Variants in DTD1 observed in about 807,000 individuals in gnomAD.
DTD1 encodes D-aminoacyl-tRNA deacylase 1, also known as D-tyrosyl-tRNA deacylase 1 homolog.
In DTD1, 13 loss-of-function variants were observed where a neutral mutation model predicts 25.6. The observed-to-expected ratio is 0.51, with a 90% CI of 0.33 to 0.81. The LOEUF is 0.81. Ranked by LOEUF, DTD1 falls within the 30% of genes least tolerant of loss-of-function variation. The probability of loss-of-function intolerance (pLI) is 0.02; values close to 1 mark genes in which losing one functional copy is unlikely to be tolerated. For missense variants in DTD1, 193 were observed against 266.4 expected, an observed-to-expected ratio of 0.72 and a Z score of 1.92; for synonymous variants, 110 against 103.6, an observed-to-expected ratio of 1.06 and a Z score of -0.37.
chr20:18,736,081 T>C (rs2061254029), intron 4 of DTD1, among the ~76,000 whole-genome samples: 1 of 152,154 alleles, frequency 6.6e-6, no homozygotes, highest in Admixed American at 6.5e-5. Flanking sequence ...CTTTCAGGGA[T>C]TTCCGGGCAC....
chr20:18,761,892 A>G (rs779309638), intron 5 of DTD1, among the ~76,000 whole-genome samples: 57 of 152,226 alleles, frequency 3.7e-4, no homozygotes, highest in Non-Finnish European at 7.6e-4. Context: ...TGAAAGTAAT[A>G]TGGTCCCCAG....
At chr20:18,671,733 G>C (rs1248141567) in intron 4 of DTD1, among the ~76,000 whole-genome samples, 2 of 152,130 alleles carry the variant, frequency 1.3e-5, no homozygotes, top group Non-Finnish European at 1.5e-5. Flanking sequence ...AAACAAAACT[G>C]TGGTCTCTGG....
At chr20:18,629,104 C>T (rs2060772190) in intron 4 of DTD1, among the ~76,000 whole-genome samples, 1 of 148,266 alleles carries the variant, frequency 6.7e-6, no homozygotes. Context: ...TCAAGCAATT[C>T]TCCTGCCTCA....
intron 5 of DTD1, among the ~76,000 whole-genome samples, chr20:18,750,936 A>G (rs771008288): frequency 2.6e-5 from 4 of 152,194 alleles, no homozygotes; most frequent in East Asian, 1.9e-4. Context: ...TCAAATGGCA[A>G]CACACTTGAA....
intron 4 of DTD1, among the ~76,000 whole-genome samples, chr20:18,694,596 G>A (rs991025399): frequency 5.3e-5 from 8 of 152,194 alleles, no homozygotes; most frequent in South Asian, 2.1e-4. Context: ...TAGAGGCCGC[G>A]GGAAGGGGAG....
intron 4 of DTD1, among the ~76,000 whole-genome samples, chr20:18,658,188 GAT>G (rs200097327): frequency 0.013 from 1,383 of 105,162 alleles, 14 homozygotes; most frequent in African/African-American, 0.017. Flanking sequence ...AAGAGTCTGA[GAT>G]GTGTGTGTGT....
At chr20:18,758,857 G>A (rs1296619227) in intron 5 of DTD1, among the ~76,000 whole-genome samples, 2 of 152,138 alleles carry the variant, frequency 1.3e-5, no homozygotes, top group South Asian at 2.1e-4. Flanking sequence ...TCTGTCTAAC[G>A]TTGACAGTGG....
chr20:18,588,210 CG>C, intron 1 of DTD1, 95 bp downstream of exon 1: 1 of 1,108,342 alleles, frequency 9.0e-7, no homozygotes, highest in Non-Finnish European at 1.1e-6. Flanking sequence ...TCCTTGGGGC[CG>C]CTGCGGCCCC....
At position 18,763,808 on chromosome 20, in the gene DTD1, A is replaced by G. The variant is rs1016549051; in HGVS notation, c.*468A>G. On this transcript the variant is annotated 3_prime_UTR_variant, in exon 6 of 6. Transcript: ENST00000377452. Reference sequence around the variant, plus strand: ...TGAAGTGTCAAGAGAGCAATCATCAATGATAATGTATTGTGTGAGACCTTT... The same window carrying G: ...TGAAGTGTCAAGAGAGCAATCATCAGTGATAATGTATTGTGTGAGACCTTT... 3.9e-5 allele frequency: 6 copies of G among 152,256 alleles called. No individual in the cohort carries two copies. In the East Asian group the frequency reaches 1.2e-3, roughly 29 times the overall value. 9.4% of individuals were successfully genotyped at this position (152,256 alleles called of 1,614,324 possible).
chr20:18,606,786 G>A (rs1410178810), intron 3 of DTD1, among the ~76,000 whole-genome samples: 2 of 129,570 alleles, frequency 1.5e-5, no homozygotes, highest in Non-Finnish European at 3.2e-5. Context: ...GGTGGGGGGG[G>A]GGAGGGGGGA....
intron 5 of DTD1, among the ~76,000 whole-genome samples, chr20:18,761,201 G>A (rs574877681): frequency 1.8e-4 from 27 of 152,022 alleles, no homozygotes; most frequent in South Asian, 1.0e-3. Context: ...GCGATGCCTC[G>A]CCCTGCTCGG....
chr20:18,716,378 A>G (rs532299345), intron 4 of DTD1, among the ~76,000 whole-genome samples: 111 of 152,310 alleles, frequency 7.3e-4, no homozygotes, highest in Non-Finnish European at 1.2e-3. Flanking sequence ...TGGTTGGGGA[A>G]GCAGCATCAT....
chr20:18,657,211 C>T (rs769345288), intron 4 of DTD1, among the ~76,000 whole-genome samples: 2 of 152,192 alleles, frequency 1.3e-5, no homozygotes, highest in Non-Finnish European at 2.9e-5. Context: ...CCTTACTCAA[C>T]AAATGAGCAG....
At chr20:18,723,433 TCTTAC>T (rs371537044) in intron 4 of DTD1, among the ~76,000 whole-genome samples, 45 of 152,340 alleles carry the variant, frequency 3.0e-4, no homozygotes, top group African/African-American at 5.8e-4. Flanking sequence ...CCTTAGCCAG[TCTTAC>T]CTACACTGCC....
At chr20:18,611,023 C>T (rs540923948) in intron 3 of DTD1, 1 of 152,344 alleles carries the variant, frequency 6.6e-6, no homozygotes, top group South Asian at 2.1e-4. Flanking sequence ...TATAGATTTA[C>T]TTTCTTATTC....
chr20:18,647,647 G>A (rs943542622), intron 4 of DTD1, among the ~76,000 whole-genome samples: 1 of 152,136 alleles, frequency 6.6e-6, no homozygotes, highest in African/African-American at 2.4e-5. Flanking sequence ...AGGGGGTGGG[G>A]AGGATGATGA....
At chr20:18,710,545 C>G (rs2061154527) in intron 4 of DTD1, among the ~76,000 whole-genome samples, 1 of 152,164 alleles carries the variant, frequency 6.6e-6, no homozygotes, top group Non-Finnish European at 1.5e-5. Flanking sequence ...TAATAAAATT[C>G]TACCACATGA....
At chr20:18,634,853 G>T (rs1163457465) in intron 4 of DTD1, among the ~76,000 whole-genome samples, 1 of 152,158 alleles carries the variant, frequency 6.6e-6, no homozygotes, top group Non-Finnish European at 1.5e-5. Context: ...CAGGTGGCTT[G>T]CTTCTACCAG....
At chr20:18,651,464 T>A (rs770029092) in intron 4 of DTD1, among the ~76,000 whole-genome samples, 64 of 152,230 alleles carry the variant, frequency 4.2e-4, no homozygotes, top group Non-Finnish European at 8.2e-4. Flanking sequence ...AGCTGGTAGT[T>A]TTAAAAATTG....
Sources: gnomAD v4.1 joint callset for allele counts (sites outside exome capture counted in the v4.1 genomes callset) on GRCh38, gnomAD v4.1.1 for gene constraint, MANE v1.5 for transcripts, NCBI Gene and HGNC (gene_info 2026-07-23, HGNC 2026-07-21) for gene names.